Variants in DNAJA1 observed in about 807,000 individuals in gnomAD.
The protein encoded by DNAJA1 is DnaJ heat shock protein family (Hsp40) member A1, also known as dnaJ homolog subfamily A member 1.
DNAJA1 carries 26 observed loss-of-function variants against 47.6 expected under a neutral mutation model. The ratio of observed to expected loss-of-function variants is 0.55; its 90% CI spans 0.40 to 0.76. The LOEUF (loss-of-function observed/expected upper bound fraction) is 0.76, where lower values mean the gene tolerates loss of function less well. DNAJA1 is among the 30% of genes least tolerant of loss of function. The pLI, the probability that DNAJA1 is intolerant of heterozygous loss-of-function variation, is 0.00. For synonymous variants in DNAJA1, 165 were observed against 158.4 expected (o/e 1.04, Z -0.31); for missense variants, 315 against 485.0 (o/e 0.65, Z 3.29).
chr9:33,031,160 G>A (rs779558914), intron 5 of DNAJA1, among the ~76,000 whole-genome samples: 34 of 152,160 alleles, frequency 2.2e-4, no homozygotes, highest in Admixed American at 3.9e-4. Flanking sequence ...GCAATGGCAC[G>A]ATCTCAGCTC....
rs1194589583 is a variant in DNAJA1 at position 33,038,871 on chromosome 9, C to T, written c.1162C>T (p.Pro388Ser). Residue 388 changes from proline to serine, a missense_variant, in exon 9 of 9, where the codon CCC becomes TCC. Coordinates refer to ENST00000330899, the MANE Select transcript of DNAJA1 (RefSeq NM_001539.4). ...AGCATATGAGGATGATGAACATCAT[C>T]CCAGAGGTGGTGTTCAGTGTCAGAC... ...GEAYEDDEHH[P>S]RGGVQCQTS The T allele has an allele frequency of 5.6e-6, 9 of 1,613,458 alleles. No homozygotes were observed. Among genetic ancestry groups the T allele is most frequent in the African/African-American group, 1.3e-5 (1 of 74,896 alleles).
Position 33,036,659 on chromosome 9 carries a change from A to G in DNAJA1, c.844A>G (p.Asn282Asp). Reference protein sequence around the residue: ...GFQKPISTLDNRTIVITSHPG... With the variant: ...GFQKPISTLDDRTIVITSHPG... ...CCAGAAGCCAATATCTACTCTTGACAACCGAACCATCGTCATCACCTCTCA... is the reference window on the plus strand; with the variant it reads ...CCAGAAGCCAATATCTACTCTTGACGACCGAACCATCGTCATCACCTCTCA... Residue 282 changes from asparagine (N) to aspartate (D), a missense_variant, in exon 7 of 9, where the codon AAC becomes GAC. This residue lies in a region of DNAJA1 where 162 missense variants were observed against 185.4 expected (regional missense o/e 0.87). Transcript: ENST00000330899. 6.2e-7 allele frequency: 1 copy of G among 1,614,024 alleles called. No individual in the cohort carries two copies. The highest frequency in any genetic ancestry group is 1.1e-5 in the South Asian group (1 of 91,078).
At chr9:33,034,474 A>G in intron 6 of DNAJA1, 144 bp downstream of exon 6, 1 of 644,868 alleles carries the variant, frequency 1.6e-6, no homozygotes, top group Non-Finnish European at 2.6e-6. Context: ...TGTTCAGATC[A>G]TAAGAGGTTG....
At chr9:33,026,639 C>T (rs766739578) in intron 2 of DNAJA1, 23 bp downstream of exon 2, 3 of 1,594,718 alleles carry the variant, frequency 1.9e-6, no homozygotes, top group Non-Finnish European at 1.7e-6. Flanking sequence ...TACTCTTAAA[C>T]GTATCTGAAT....
intron 8 of DNAJA1, among the ~76,000 whole-genome samples, 167 bp from the exon 9 acceptor site, chr9:33,038,518 A>G (rs1839068602): frequency 6.6e-6 from 1 of 152,248 alleles, no homozygotes; most frequent in Non-Finnish European, 1.5e-5. Context: ...ACTCTAGTTC[A>G]GAGTGTGCTA....
chr9:33,037,637 G>T (rs754585945), intron 8 of DNAJA1, among the ~76,000 whole-genome samples: 1 of 152,160 alleles, frequency 6.6e-6, no homozygotes, highest in South Asian at 2.1e-4. Flanking sequence ...AATCAAGATC[G>T]TGTCACTGTA....
intron 1 of DNAJA1, among the ~76,000 whole-genome samples, chr9:33,026,125 T>C (rs1435277255): frequency 6.6e-6 from 1 of 152,226 alleles, no homozygotes. Context: ...TAATGACCGG[T>C]AGACTGAACA....
chr9:33,039,024 T>C lies in DNAJA1; in HGVS notation c.*121T>C, dbSNP rs990381230. On this transcript the variant is annotated 3_prime_UTR_variant, in exon 9 of 9. Coordinates refer to ENST00000330899, the MANE Select transcript of DNAJA1 (RefSeq NM_001539.4). The stretch of plus-strand genomic sequence containing the variant: ...TTTGTTTTAATAAACTATAGTAGTG[T>C]TTTAAAAAGTTAAATGAAGAATAAA... 5.0e-6 allele frequency: 5 copies of C among 992,430 alleles called. No homozygotes were observed. The African/African-American group carries it at 8.2e-5, about 16-fold the overall frequency. The allele number at this position is 992,430 out of a possible 1,614,324, so 61.5% of individuals were successfully genotyped here. A position where few individuals can be genotyped will look rare whatever the true frequency, so the allele number is the denominator to read the frequency against.
intron 1 of DNAJA1, among the ~76,000 whole-genome samples, chr9:33,025,886 G>C (rs1254123129): frequency 6.6e-6 from 1 of 152,246 alleles, no homozygotes; most frequent in Non-Finnish European, 1.5e-5. Context: ...AGAAAGGAAG[G>C]AAATCGGTCA....
intron 1 of DNAJA1, 62 bp downstream of exon 1, chr9:33,025,445 C>G (rs936742509): frequency 8.5e-5 from 13 of 152,638 alleles, no homozygotes; most frequent in African/African-American, 3.1e-4. Context: ...GCCGGGAAAC[C>G]GATGGAGCCG....
At chr9:33,037,315 AAC>A (rs748051091) in intron 8 of DNAJA1, 200 bp downstream of exon 8, 12,356 of 246,118 alleles carry the variant, frequency 0.05, 338 homozygotes, top group African/African-American at 0.14. Context: ...TCTTTAAAAA[AAC>A]AAAAAAAAAA....
In DNAJA1 at chr9:33,025,284, C is replaced by G. The variant is rs1222120946; in HGVS notation, c.-110C>G. The G allele has an allele frequency of 6.6e-6, 1 of 152,510 alleles. No homozygotes were observed. Among genetic ancestry groups the G allele is most frequent in the Non-Finnish European group, 1.5e-5 (1 of 68,062 alleles). 9.4% of individuals were successfully genotyped at this position (152,510 alleles called of 1,614,324 possible). ...CTGCGGCGCGCCGGGCGGAACTTTC[C>G]AGAACGCTCGGTGAGAGGCGGAGGA... On this transcript the variant is annotated 5_prime_UTR_variant, in exon 1 of 9. Coordinates refer to ENST00000330899, the MANE Select transcript of DNAJA1 (RefSeq NM_001539.4).
At chr9:33,031,638 T>C (rs561341434) in intron 5 of DNAJA1, among the ~76,000 whole-genome samples, 2 of 152,190 alleles carry the variant, frequency 1.3e-5, no homozygotes, top group East Asian at 3.9e-4. Flanking sequence ...TTTCACCATG[T>C]TAGGCTGGTC....
chr9:33,037,429 C>G (rs1409842300), intron 8 of DNAJA1: 3 of 191,228 alleles, frequency 1.6e-5, no homozygotes, highest in African/African-American at 7.1e-5. Context: ...CACCTATAAT[C>G]CCAGTGCTTT....
chr9:33,033,186 GT>G (rs1274946983), intron 5 of DNAJA1, among the ~76,000 whole-genome samples: 1 of 150,914 alleles, frequency 6.6e-6, no homozygotes, highest in African/African-American at 2.4e-5. Flanking sequence ...AAAAAGGCGT[GT>G]TTTTTTGCCC....
Position 33,030,615 on chromosome 9 carries a change from C to T in DNAJA1, c.591C>T (p.Asn197=), listed in dbSNP as rs755376906. 18 of 1,613,820 alleles carry T rather than the reference C, an allele frequency of 1.1e-5. No individual in the cohort carries two copies. The highest frequency in any genetic ancestry group is 1.0e-4 in the Admixed American group (6 of 59,984). Residue 197 remains asparagine (N), a synonymous_variant, in exon 5 of 9, where the codon AAC becomes AAT. Transcript: ENST00000330899. ...CTAAAGATAGATGTAAAAGCTGCAA[C>T]GGAAGGAAGATAGTTCGAGAGAAGA... ...ISPKDRCKSC[N]GRKIVREKKI...
chr9:33,025,776 C>T (rs894036804), intron 1 of DNAJA1, among the ~76,000 whole-genome samples: 3 of 151,656 alleles, frequency 2.0e-5, no homozygotes, highest in Non-Finnish European at 2.9e-5. Context: ...GGGAGCCGGG[C>T]GGAGACTGCG....
intron 6 of DNAJA1, among the ~76,000 whole-genome samples, chr9:33,034,694 T>G (rs1839008307): frequency 1.3e-5 from 2 of 152,246 alleles, no homozygotes; most frequent in South Asian, 4.1e-4. Flanking sequence ...TGAATTGCTT[T>G]TAATTATAAA....
intron 3 of DNAJA1, 149 bp downstream of exon 3, chr9:33,027,139 G>T: frequency 5.7e-5 from 42 of 739,404 alleles, no homozygotes; most frequent in South Asian, 9.5e-5. Context: ...ATGGTGTCGT[G>T]TTTTTTTGTT....
Sources: gnomAD v4.1 joint callset for allele counts (sites outside exome capture counted in the v4.1 genomes callset) on GRCh38, gnomAD v4.1.1 for gene constraint, gnomAD v4.1.1 regional missense constraint, MANE v1.5 for transcripts, NCBI Gene and HGNC (gene_info 2026-07-23, HGNC 2026-07-21) for gene names.